KCNMB4: variants seen among roughly 807,000 people sequenced by gnomAD.
KCNMB4 encodes the protein calcium-activated potassium channel subunit beta-4.
In KCNMB4, 3 loss-of-function variants were observed where a neutral mutation model predicts 20.7. The observed-to-expected ratio is 0.14, with a 90% confidence interval of 0.07 to 0.37. The LOEUF (loss-of-function observed/expected upper bound fraction) is 0.37, where lower values mean the gene tolerates loss of function less well. KCNMB4 is among the 10% of genes least tolerant of loss of function. KCNMB4 has a pLI of 1.00. For synonymous variants in KCNMB4, 110 were observed against 113.4 expected, an observed-to-expected ratio of 0.97 and a Z score of 0.19; for missense variants, 168 against 265.9, an observed-to-expected ratio of 0.63 and a Z score of 2.56.
At chr12:70,423,012 C>A (rs551284047) in intron 2 of KCNMB4, among the ~76,000 whole-genome samples, 16 of 152,144 alleles carry the variant, frequency 1.1e-4, no homozygotes, top group Non-Finnish European at 2.1e-4. Context: ...CCAAACCCAG[C>A]TACCGTAAGA....
chr12:70,392,872 A>G (rs1227551511), intron 1 of KCNMB4, among the ~76,000 whole-genome samples: 6 of 152,172 alleles, frequency 3.9e-5, no homozygotes, highest in Non-Finnish European at 1.5e-5. Context: ...TAGGAGAAAT[A>G]CCTACTATAG....
chr12:70,388,688 G>A (rs1868276519), intron 1 of KCNMB4, among the ~76,000 whole-genome samples: 1 of 152,100 alleles, frequency 6.6e-6, no homozygotes, highest in South Asian at 2.1e-4. Context: ...TAGAATAGCA[G>A]TGTGACTTCA....
intron 2 of KCNMB4, among the ~76,000 whole-genome samples, chr12:70,419,727 T>TA (rs1869001171): frequency 6.6e-6 from 1 of 151,970 alleles, no homozygotes; most frequent in African/African-American, 2.4e-5. Flanking sequence ...GCACATTTGA[T>TA]AAAAAATAAA....
intron 1 of KCNMB4, among the ~76,000 whole-genome samples, chr12:70,389,313 A>G (rs1445581943): frequency 2.0e-5 from 3 of 152,208 alleles, no homozygotes; most frequent in Non-Finnish European, 2.9e-5. Context: ...ATTCTCCTGC[A>G]GAATTGTAAA....
intron 2 of KCNMB4, 116 bp downstream of exon 2, chr12:70,400,452 TTG>T: frequency 9.5e-7 from 1 of 1,054,578 alleles, no homozygotes; most frequent in South Asian, 1.9e-5. Context: ...CAACTCTTCT[TTG>T]CGTGTAATTA....
At chr12:70,379,584 T>C (rs866084167) in intron 1 of KCNMB4, among the ~76,000 whole-genome samples, 1 of 152,112 alleles carries the variant, frequency 6.6e-6, no homozygotes, top group African/African-American at 2.4e-5. Context: ...ACCTGGCTAA[T>C]GTTTGTATTT....
At chr12:70,375,679 A>T (rs1330591057) in intron 1 of KCNMB4, among the ~76,000 whole-genome samples, 1 of 152,040 alleles carries the variant, frequency 6.6e-6, no homozygotes, top group Non-Finnish European at 1.5e-5. Context: ...CCCATCCTCG[A>T]CCCAATAAAT....
At chr12:70,423,410 T>C (rs1869121454) in intron 2 of KCNMB4, among the ~76,000 whole-genome samples, 2 of 152,180 alleles carry the variant, frequency 1.3e-5, no homozygotes, top group South Asian at 4.1e-4. Flanking sequence ...CGTTCATAGA[T>C]AGGAAGCATC....
chr12:70,399,233 A>G (rs1868392957), intron 1 of KCNMB4, among the ~76,000 whole-genome samples: 1 of 152,236 alleles, frequency 6.6e-6, no homozygotes, highest in African/African-American at 2.4e-5. Flanking sequence ...GACTGAAATT[A>G]TACTATAAAA....
chr12:70,432,905 AAAG>A lies in KCNMB4; in HGVS notation c.*2253_*2255del, dbSNP rs1344996812. The stretch of plus-strand genomic sequence containing the variant: ...GCATGGATATACATTTGTGTTGAAA[AAAG>A]GGGAAGTTGATATATATCAATCTTA... On this transcript the variant is annotated 3_prime_UTR_variant, in exon 3 of 3. Coordinates refer to ENST00000258111, the MANE Select transcript of KCNMB4 (RefSeq NM_014505.6). 6.6e-6 allele frequency: 1 copy of A among 152,212 alleles called. No homozygotes were observed. Among genetic ancestry groups the A allele is most frequent in the Non-Finnish European group, 1.5e-5 (1 of 68,038 alleles). The allele number at this position is 152,212 out of a possible 1,614,324, so 9.4% of individuals were successfully genotyped here.
chr12:70,419,842 T>C (rs975058767), intron 2 of KCNMB4, among the ~76,000 whole-genome samples: 60 of 152,320 alleles, frequency 3.9e-4, no homozygotes, highest in Non-Finnish European at 4.0e-4. Context: ...CAAAGTGTTA[T>C]TAATGCTGTG....
At chr12:70,381,955 C>T (rs187293140) in intron 1 of KCNMB4, among the ~76,000 whole-genome samples, 3 of 152,264 alleles carry the variant, frequency 2.0e-5, no homozygotes, top group East Asian at 3.9e-4. Flanking sequence ...TTTCAAATAA[C>T]TTGTAAAGCA....
intron 1 of KCNMB4, among the ~76,000 whole-genome samples, chr12:70,371,668 C>T (rs890561606): frequency 6.6e-6 from 1 of 152,084 alleles, no homozygotes; most frequent in Admixed American, 6.5e-5. Context: ...ATCAGGAAAT[C>T]CTTTTTCAGC....
chr12:70,371,188 T>C (rs1565852131), intron 1 of KCNMB4, among the ~76,000 whole-genome samples: 3 of 152,108 alleles, frequency 2.0e-5, no homozygotes, highest in South Asian at 2.1e-4. Context: ...AGTTTTTTTT[T>C]CCCCTTCCTC....
intron 1 of KCNMB4, among the ~76,000 whole-genome samples, chr12:70,385,902 T>A (rs1365751894): frequency 1.3e-5 from 2 of 152,166 alleles, no homozygotes; most frequent in Non-Finnish European, 2.9e-5. Flanking sequence ...ACTACAACTG[T>A]AAATGTTTCC....
chr12:70,412,222 C>G (rs927253687), intron 2 of KCNMB4, among the ~76,000 whole-genome samples: 1 of 152,192 alleles, frequency 6.6e-6, no homozygotes, highest in African/African-American at 2.4e-5. Context: ...TCTGGGAAAG[C>G]CTTTGCTTTT....
At position 70,367,015 on chromosome 12, in the gene KCNMB4, C is replaced by T; in HGVS notation, c.281C>T (p.Ser94Phe). Residue 94 changes from serine to phenylalanine, a missense_variant, in exon 1 of 3, where the codon TCC becomes TTC. Ser to Phe is a radical substitution (Grantham distance 155). Transcript: ENST00000258111. ...CVQVYVNNSESNSRALLHSDE... is the reference protein window; with the variant it reads ...CVQVYVNNSEFNSRALLHSDE... ...CAGGTCTACGTGAACAACTCTGAGT[C>T]CAACTCTAGGGCGCTGCTGCACAGC... The T allele has an allele frequency of 6.3e-7, 1 of 1,589,814 alleles. No individual in the cohort carries two copies. Among genetic ancestry groups the T allele is most frequent in the Non-Finnish European group, 8.6e-7 (1 of 1,165,252 alleles).
At chr12:70,390,043 C>T (rs149304999) in intron 1 of KCNMB4, among the ~76,000 whole-genome samples, 7 of 152,304 alleles carry the variant, frequency 4.6e-5, no homozygotes, top group Middle Eastern at 6.8e-3. Context: ...GTACCTCCAT[C>T]ATTTCTTTCA....
chr12:70,419,639 A>G (rs1340460678), intron 2 of KCNMB4, among the ~76,000 whole-genome samples: 1 of 152,240 alleles, frequency 6.6e-6, no homozygotes, highest in African/African-American at 2.4e-5. Context: ...ATTGGGGCTA[A>G]AGTGAATATG....
Sources: allele counts gnomAD v4.1 joint callset (sites outside exome capture counted in the v4.1 genomes callset), GRCh38; gene constraint gnomAD v4.1.1; transcripts MANE v1.5; gene names NCBI Gene and HGNC (gene_info 2026-07-23, HGNC 2026-07-21).